Variants in ASPH observed in about 807,000 individuals in gnomAD.
ASPH encodes the protein aspartate beta-hydroxylase.
A neutral mutation model predicts 118.4 loss-of-function variants in ASPH; 100 were observed. The observed-to-expected ratio is 0.84, with a 90% confidence interval of 0.72 to 1.00. The LOEUF is 1.00. Ranked by LOEUF, ASPH falls within the 50% of genes least tolerant of loss-of-function variation. The pLI is 0.00. For synonymous variants in ASPH, 315 were observed against 325.6 expected, an observed-to-expected ratio of 0.97 and a Z score of 0.35; for missense variants, 920 against 919.5, an observed-to-expected ratio of 1.00 and a Z score of -0.01.
At chr8:61,695,842 T>A (rs1210980808) in intron 1 of ASPH, among the ~76,000 whole-genome samples, 2 of 152,218 alleles carry the variant, frequency 1.3e-5, no homozygotes, top group East Asian at 1.9e-4. Context: ...GTAATCAAAC[T>A]TCTTCTGCTA....
At chr8:61,590,622 T>C (rs1262141934) in intron 14 of ASPH, among the ~76,000 whole-genome samples, 3 of 151,954 alleles carry the variant, frequency 2.0e-5, no homozygotes, top group East Asian at 3.9e-4. Flanking sequence ...TGAAATGCTA[T>C]ACTTATTCAA....
intron 3 of ASPH, among the ~76,000 whole-genome samples, chr8:61,677,252 G>GT (rs903532980): frequency 6.6e-6 from 1 of 152,052 alleles, no homozygotes; most frequent in African/African-American, 2.4e-5. Context: ...TTCATCATTT[G>GT]TTTTTTTCCT....
intron 5 of ASPH, among the ~76,000 whole-genome samples, chr8:61,647,542 G>A (rs571461121): frequency 4.6e-5 from 7 of 152,076 alleles, no homozygotes; most frequent in African/African-American, 1.4e-4. Flanking sequence ...ATGGTGGCAC[G>A]TGCCTGTAGT....
intron 16 of ASPH, among the ~76,000 whole-genome samples, chr8:61,575,695 A>G (rs894771518): frequency 6.6e-6 from 1 of 152,216 alleles, no homozygotes; most frequent in African/African-American, 2.4e-5. Flanking sequence ...TCTGTATATT[A>G]TGATGTTTTG....
At chr8:61,652,171 C>A (rs560011146) in intron 4 of ASPH, among the ~76,000 whole-genome samples, 4 of 152,192 alleles carry the variant, frequency 2.6e-5, no homozygotes, top group Admixed American at 2.0e-4. Flanking sequence ...GTCTGCCAAT[C>A]GCCATCCTCT....
At chr8:61,561,088 G>A (rs1587130910) in intron 18 of ASPH, among the ~76,000 whole-genome samples, 1 of 46,436 alleles carries the variant, frequency 2.2e-5, no homozygotes, top group South Asian at 1.2e-3. Context: ...GGGAGGGAGG[G>A]AGGGAGGGAG....
chr8:61,613,342 T>A (rs1848048485), intron 14 of ASPH, among the ~76,000 whole-genome samples: 1 of 152,170 alleles, frequency 6.6e-6, no homozygotes, highest in Non-Finnish European at 1.5e-5. Context: ...CTCTGCGGAT[T>A]TTGGACTGGC....
intron 1 of ASPH, among the ~76,000 whole-genome samples, chr8:61,694,430 C>T (rs924680621): frequency 5.3e-5 from 8 of 152,218 alleles, no homozygotes; most frequent in African/African-American, 1.7e-4. Flanking sequence ...AACCTGTAGG[C>T]TTCCATCTGG....
chr8:61,705,311 G>A (rs1836319447), intron 1 of ASPH, among the ~76,000 whole-genome samples: 1 of 152,130 alleles, frequency 6.6e-6, no homozygotes, highest in South Asian at 2.1e-4. Context: ...CTTATTACCT[G>A]TGTGACAAAA....
intron 14 of ASPH, among the ~76,000 whole-genome samples, chr8:61,584,800 T>C (rs1838833134): frequency 6.6e-6 from 1 of 152,110 alleles, no homozygotes; most frequent in African/African-American, 2.4e-5. Context: ...TGAGCCACTG[T>C]GCCCAACCTG....
intron 18 of ASPH, among the ~76,000 whole-genome samples, chr8:61,561,304 T>C (rs2131471102): frequency 6.6e-6 from 1 of 152,314 alleles, no homozygotes; most frequent in East Asian, 1.9e-4. Flanking sequence ...GCATTGAGTG[T>C]TATGTGTTGG....
At chr8:61,568,380 AG>A (rs1832460054) in intron 16 of ASPH, among the ~76,000 whole-genome samples, 1 of 152,194 alleles carries the variant, frequency 6.6e-6, no homozygotes, top group African/African-American at 2.4e-5. Context: ...GGTGTGAGAA[AG>A]GGGGAGAGAG....
intron 3 of ASPH, among the ~76,000 whole-genome samples, chr8:61,678,637 A>G (rs1826462784): frequency 6.6e-6 from 1 of 152,076 alleles, no homozygotes; most frequent in African/African-American, 2.4e-5. Flanking sequence ...CAGATTTAAG[A>G]ATCTAGAAAA....
At chr8:61,620,076 A>T (rs1471572757) in intron 13 of ASPH, among the ~76,000 whole-genome samples, 4 of 152,184 alleles carry the variant, frequency 2.6e-5, no homozygotes, top group African/African-American at 9.7e-5. Flanking sequence ...TGAAAAGTAA[A>T]TCTGAGGCTG....
At chr8:61,559,135 T>C (rs1049312646) in intron 18 of ASPH, among the ~76,000 whole-genome samples, 1 of 152,250 alleles carries the variant, frequency 6.6e-6, no homozygotes, top group Non-Finnish European at 1.5e-5. Context: ...AATTACATCA[T>C]GGAAGATGGG....
At chr8:61,642,311 A>G (rs1483927688) in intron 10 of ASPH, among the ~76,000 whole-genome samples, 1 of 152,246 alleles carries the variant, frequency 6.6e-6, no homozygotes. Context: ...GTCAAAAGAG[A>G]CACAACTATA....
intron 5 of ASPH, among the ~76,000 whole-genome samples, chr8:61,649,938 A>AACT (rs1290936002): frequency 6.6e-6 from 1 of 152,050 alleles, no homozygotes; most frequent in Non-Finnish European, 1.5e-5. Context: ...AGCCATTCTG[A>AACT]ACTACTTTCA....
At chr8:61,651,398 AAG>A in intron 4 of ASPH, 1 of 313,986 alleles carries the variant, frequency 3.2e-6, no homozygotes. Flanking sequence ...GTATTTAAAA[AAG>A]AGCCTTATTA....
At chr8:61,574,960 C>T (rs762801595) in intron 16 of ASPH, among the ~76,000 whole-genome samples, 14 of 152,180 alleles carry the variant, frequency 9.2e-5, no homozygotes, top group Non-Finnish European at 2.1e-4. Context: ...GCTTCCCTGC[C>T]CCAGCATGCC....
Sources: gnomAD v4.1 joint callset for allele counts (sites outside exome capture counted in the v4.1 genomes callset) on GRCh38, gnomAD v4.1.1 for gene constraint, MANE v1.5 for transcripts, NCBI Gene and HGNC (gene_info 2026-07-23, HGNC 2026-07-21) for gene names.